The following LDLRAD3 variants were observed in gnomAD, a reference collection of about 807,000 sequenced individuals.
LDLRAD3 encodes low density lipoprotein receptor class A domain containing 3, also known as low-density lipoprotein receptor class A domain-containing protein 3.
In LDLRAD3, 20 loss-of-function variants were observed where a neutral mutation model predicts 29.4. The observed-to-expected ratio is 0.68, with a 90% CI of 0.48 to 0.99. The LOEUF (loss-of-function observed/expected upper bound fraction) is 0.99, where lower values mean the gene tolerates loss of function less well. Among genes scored for constraint, LDLRAD3 ranks in the 50% least tolerant of loss-of-function variants. The pLI is 0.00. For synonymous variants in LDLRAD3, 157 were observed against 192.7 expected (o/e 0.81, Z 1.53); for missense variants, 420 against 454.3 (o/e 0.92, Z 0.69).
chr11:36,228,338 C>T (rs1420671632), intron 5 of LDLRAD3, among the ~76,000 whole-genome samples: 1 of 152,198 alleles, frequency 6.6e-6, no homozygotes, highest in African/African-American at 2.4e-5. Context: ...TCAGGACCTT[C>T]CTCACCTAAT....
At chr11:36,088,664 G>T (rs1440195038) in intron 3 of LDLRAD3, among the ~76,000 whole-genome samples, 2 of 152,154 alleles carry the variant, frequency 1.3e-5, no homozygotes, top group Non-Finnish European at 2.9e-5. Context: ...GCCTCAGAAA[G>T]CTGTGTCTTT....
At chr11:36,057,770 A>G (rs930414945) in intron 2 of LDLRAD3, among the ~76,000 whole-genome samples, 3 of 152,148 alleles carry the variant, frequency 2.0e-5, no homozygotes, top group East Asian at 1.9e-4. Flanking sequence ...TTATTTCCAT[A>G]AACTAGTGAT....
intron 4 of LDLRAD3, chr11:36,163,440 C>T (rs776724285): frequency 6.6e-6 from 1 of 152,196 alleles, no homozygotes; most frequent in Non-Finnish European, 1.5e-5. Flanking sequence ...TTAATGAAGC[C>T]TAGCCTTACT....
At chr11:36,048,155 T>A (rs1038498401) in intron 2 of LDLRAD3, among the ~76,000 whole-genome samples, 5 of 152,204 alleles carry the variant, frequency 3.3e-5, no homozygotes, top group Admixed American at 6.5e-5. Context: ...GCTGGGTGAT[T>A]CTCCATAGAT....
At chr11:35,955,002 T>C (rs1371503842) in intron 1 of LDLRAD3, among the ~76,000 whole-genome samples, 1 of 152,158 alleles carries the variant, frequency 6.6e-6, no homozygotes, top group African/African-American at 2.4e-5. Context: ...GCTTACACCT[T>C]GGGAGGCCGA....
At chr11:36,084,803 A>G (rs1186770012) in intron 3 of LDLRAD3, among the ~76,000 whole-genome samples, 1 of 152,182 alleles carries the variant, frequency 6.6e-6, no homozygotes, top group African/African-American at 2.4e-5. Context: ...TCTACCAGTC[A>G]GTCTTCTCAC....
chr11:36,145,079 G>T (rs1854160856), intron 4 of LDLRAD3, among the ~76,000 whole-genome samples: 1 of 102,984 alleles, frequency 9.7e-6, no homozygotes, highest in South Asian at 3.7e-4. Context: ...CCCTCTGCCC[G>T]GCCAGCCGCC....
intron 1 of LDLRAD3, among the ~76,000 whole-genome samples, chr11:35,991,867 TTGTGTGTGTGTG>T (rs33941156): frequency 1.2e-4 from 10 of 82,682 alleles, no homozygotes; most frequent in Admixed American, 2.9e-4. Flanking sequence ...GAATGGTTGT[TTGTGTGTGTGTG>T]TGTGTGTGTG....
intron 1 of LDLRAD3, among the ~76,000 whole-genome samples, chr11:35,955,103 G>A (rs865948001): frequency 6.6e-6 from 1 of 152,002 alleles, no homozygotes; most frequent in African/African-American, 2.4e-5. Flanking sequence ...AAATTAGCCG[G>A]GCATGGTGGC....
chr11:36,021,522 G>A (rs1340608937), intron 1 of LDLRAD3, among the ~76,000 whole-genome samples: 1 of 152,208 alleles, frequency 6.6e-6, no homozygotes, highest in African/African-American at 2.4e-5. Flanking sequence ...GAAAATTAAC[G>A]TTTGAATTCA....
chr11:36,151,185 A>G (rs1195764452), intron 4 of LDLRAD3, among the ~76,000 whole-genome samples: 1 of 152,160 alleles, frequency 6.6e-6, no homozygotes, highest in Non-Finnish European at 1.5e-5. Context: ...TCAGTGAATC[A>G]TGCTCATATC....
At chr11:36,052,842 A>G (rs1057055919) in intron 2 of LDLRAD3, among the ~76,000 whole-genome samples, 21 of 152,360 alleles carry the variant, frequency 1.4e-4, no homozygotes, top group African/African-American at 4.6e-4. Context: ...TGGACCATAA[A>G]GAAAAATTAA....
At chr11:36,126,517 G>A (rs534489652) in intron 4 of LDLRAD3, among the ~76,000 whole-genome samples, 5 of 152,258 alleles carry the variant, frequency 3.3e-5, no homozygotes, top group South Asian at 2.1e-4. Context: ...ATTGGCCTTC[G>A]GTGTGGTCAG....
chr11:36,019,426 G>A (rs1408444671), intron 1 of LDLRAD3, among the ~76,000 whole-genome samples: 1 of 152,164 alleles, frequency 6.6e-6, no homozygotes, highest in Non-Finnish European at 1.5e-5. Context: ...TTCGTGTGGA[G>A]CCATTATTCC....
At chr11:36,119,609 A>C (rs922943010) in intron 4 of LDLRAD3, among the ~76,000 whole-genome samples, 2 of 151,954 alleles carry the variant, frequency 1.3e-5, no homozygotes, top group Admixed American at 6.6e-5. Context: ...GCATCTTTTC[A>C]TGTACTTATT....
intron 2 of LDLRAD3, among the ~76,000 whole-genome samples, chr11:36,037,111 T>C (rs7128336): frequency 1.3e-5 from 2 of 152,082 alleles, no homozygotes; most frequent in East Asian, 3.9e-4. Flanking sequence ...GTAGGAAGCA[T>C]GACTGACAAG....
intron 4 of LDLRAD3, among the ~76,000 whole-genome samples, chr11:36,145,876 T>C (rs553605834): frequency 4.6e-5 from 7 of 151,928 alleles, no homozygotes; most frequent in Admixed American, 2.0e-4. Context: ...TGCGGAAGGC[T>C]GCAGGGTCCT....
chr11:36,111,903 G>C (rs1162919868), intron 4 of LDLRAD3, among the ~76,000 whole-genome samples: 1 of 152,164 alleles, frequency 6.6e-6, no homozygotes, highest in East Asian at 1.9e-4. Context: ...GGCCCAGTCT[G>C]GTTCATCTTT....
chr11:36,170,271 C>T lies in LDLRAD3; in HGVS notation c.455-56814C>T, dbSNP rs946107187. Among the ~76,000 whole-genome samples, 8 of 147,616 alleles carry T rather than the reference C, an allele frequency of 5.4e-5. No homozygotes were observed. The East Asian group carries it at 1.6e-3, about 29-fold the overall frequency. On this transcript the variant is annotated intron_variant, in intron 4 of 5. Coordinates refer to ENST00000315571, the MANE Select transcript of LDLRAD3 (RefSeq NM_174902.4). ...GTATATATATATACACATATATATA[C>T]ACATATATGTACATATATACACACA...
Sources: gnomAD v4.1 joint callset for allele counts (sites outside exome capture counted in the v4.1 genomes callset) on GRCh38, gnomAD v4.1.1 for gene constraint, MANE v1.5 for transcripts, NCBI Gene and HGNC (gene_info 2026-07-23, HGNC 2026-07-21) for gene names.